Variants in AHCYL2 observed in about 807,000 individuals in gnomAD.
AHCYL2 encodes adenosylhomocysteinase like 2, also known as S-adenosylhomocysteine hydrolase-like protein 2.
In AHCYL2, 28 loss-of-function variants were observed where a neutral mutation model predicts 81.4. The ratio of observed to expected loss-of-function variants is 0.34; its 90% CI spans 0.25 to 0.47. The LOEUF (loss-of-function observed/expected upper bound fraction) is 0.47, where lower values mean the gene tolerates loss of function less well. AHCYL2 is among the 20% of genes least tolerant of loss of function. The pLI is 1.00. For synonymous variants in AHCYL2, 272 were observed against 290.2 expected (o/e 0.94, Z 0.64); for missense variants, 551 against 785.1 (o/e 0.70, Z 3.56).
At chr7:129,273,835 A>G (rs1212223871) in intron 1 of AHCYL2, among the ~76,000 whole-genome samples, 1 of 152,230 alleles carries the variant, frequency 6.6e-6, no homozygotes, top group Non-Finnish European at 1.5e-5. Context: ...GTGAATCCCA[A>G]TAAGATTCAT....
intron 8 of AHCYL2, 34 bp from the exon 9 acceptor site, chr7:129,405,802 G>A: frequency 6.3e-7 from 1 of 1,585,136 alleles, no homozygotes; most frequent in Non-Finnish European, 8.6e-7. Context: ...AACAAGAGAA[G>A]ATTTTTCTGA....
At chr7:129,227,349 C>T (rs1563157480) in intron 1 of AHCYL2, among the ~76,000 whole-genome samples, 1 of 150,906 alleles carries the variant, frequency 6.6e-6, no homozygotes, top group African/African-American at 2.4e-5. Flanking sequence ...ATTAAAAAAT[C>T]ATGGCTCACG....
At chr7:129,263,523 T>G (rs150117289) in intron 1 of AHCYL2, among the ~76,000 whole-genome samples, 1 of 152,228 alleles carries the variant, frequency 6.6e-6, no homozygotes, top group Non-Finnish European at 1.5e-5. Context: ...TGGGAGCATC[T>G]GGTGACTGTG....
intron 4 of AHCYL2, among the ~76,000 whole-genome samples, chr7:129,395,177 A>G (rs1795666342): frequency 6.6e-6 from 1 of 152,232 alleles, no homozygotes; most frequent in African/African-American, 2.4e-5. Context: ...ACCAAAGGAC[A>G]TTCCTCAGTG....
intron 1 of AHCYL2, among the ~76,000 whole-genome samples, chr7:129,230,772 C>A (rs1417477536): frequency 6.6e-6 from 1 of 151,426 alleles, no homozygotes; most frequent in Non-Finnish European, 1.5e-5. Flanking sequence ...GAGGTTTCAC[C>A]ATATTGTCTA....
chr7:129,393,265 A>G (rs1004157629), intron 4 of AHCYL2, among the ~76,000 whole-genome samples: 1 of 152,316 alleles, frequency 6.6e-6, no homozygotes, highest in Middle Eastern at 3.4e-3. Flanking sequence ...AAAAAATACA[A>G]AAGTTAGCCA....
chr7:129,241,443 T>TG (rs1310448788), intron 1 of AHCYL2, among the ~76,000 whole-genome samples: 1 of 151,656 alleles, frequency 6.6e-6, no homozygotes, highest in Non-Finnish European at 1.5e-5. Context: ...ATATAAAAAT[T>TG]AGCCAGGTGT....
At chr7:129,381,686 C>T (rs1375626757) in intron 2 of AHCYL2, among the ~76,000 whole-genome samples, 4 of 152,092 alleles carry the variant, frequency 2.6e-5, no homozygotes, top group African/African-American at 4.8e-5. Context: ...TATATAATCC[C>T]TGGAATTTAA....
chr7:129,406,527 G>T lies in AHCYL2; in HGVS notation c.1295+61G>T, dbSNP rs775313678. The T allele has an allele frequency of 6.7e-7, 1 of 1,487,854 alleles. No individual in the cohort carries two copies. The highest frequency in any genetic ancestry group is 1.7e-5 in the Admixed American group (1 of 59,804). The allele number at this position is 1,487,854 out of a possible 1,614,324, so 92.2% of individuals were successfully genotyped here. On this transcript the variant is annotated intron_variant, in intron 10 of 16. Coordinates refer to ENST00000325006, the MANE Select transcript of AHCYL2 (RefSeq NM_015328.4). The surrounding 1 kb of genome is among the most constrained non-coding windows in gnomAD (Gnocchi z 4.3). The stretch of plus-strand genomic sequence containing the variant: ...GGAGCTGTCTCCAAAGAATGGCCTG[G>T]TTGATGCCACACTTTATTTTAGAGG...
At chr7:129,239,962 G>T (rs1179062216) in intron 1 of AHCYL2, among the ~76,000 whole-genome samples, 1 of 151,900 alleles carries the variant, frequency 6.6e-6, no homozygotes, top group Non-Finnish European at 1.5e-5. Flanking sequence ...GGTGGCTCAC[G>T]CCTGTAATCC....
intron 1 of AHCYL2, among the ~76,000 whole-genome samples, chr7:129,292,656 A>G (rs899807365): frequency 2.6e-5 from 4 of 152,100 alleles, no homozygotes; most frequent in Admixed American, 2.0e-4. Context: ...AATCCCAGCT[A>G]GTTGGGAGGC....
intron 1 of AHCYL2, among the ~76,000 whole-genome samples, chr7:129,360,407 C>T (rs571499679): frequency 3.9e-5 from 6 of 152,350 alleles, no homozygotes; most frequent in South Asian, 4.1e-4. Flanking sequence ...TGAGCCACCA[C>T]GCCCGGCCAC....
At chr7:129,249,519 G>A (rs1379836592) in intron 1 of AHCYL2, among the ~76,000 whole-genome samples, 4 of 151,762 alleles carry the variant, frequency 2.6e-5, no homozygotes, top group African/African-American at 4.8e-5. Flanking sequence ...TCCGCTTCCC[G>A]GGTTCACGCC....
chr7:129,316,905 C>T (rs901621511), intron 1 of AHCYL2, among the ~76,000 whole-genome samples: 5 of 152,138 alleles, frequency 3.3e-5, no homozygotes, highest in African/African-American at 9.7e-5. Context: ...ATCCTTGAGT[C>T]GGGAGTTTCC....
chr7:129,365,569 T>TA (rs1219322422), intron 1 of AHCYL2, among the ~76,000 whole-genome samples: 3 of 149,496 alleles, frequency 2.0e-5, no homozygotes, highest in African/African-American at 7.5e-5. Flanking sequence ...ATGGTCACCA[T>TA]ACTGTGTAGT....
intron 1 of AHCYL2, among the ~76,000 whole-genome samples, chr7:129,282,968 G>C (rs1291117255): frequency 6.6e-6 from 1 of 152,060 alleles, no homozygotes; most frequent in African/African-American, 2.4e-5. Context: ...GTTAATTACG[G>C]GGTTTTCCAG....
intron 1 of AHCYL2, chr7:129,351,372 A>C (rs1194095770): frequency 6.6e-6 from 1 of 152,224 alleles, no homozygotes; most frequent in Non-Finnish European, 1.5e-5. Context: ...AAACTTTAGA[A>C]AACACAAAAA....
rs139813798 is a variant in AHCYL2 at position 129,338,129 on chromosome 7, A to C, written c.364-41509A>C. ...GTATATCTGTGGGACAGATTGCTAG[A>C]GGTGGAATTGCTGATTCCAAGGATG... is the stretch of plus-strand genomic sequence containing the variant. On this transcript the variant is annotated intron_variant, in intron 1 of 16. Transcript: ENST00000325006. Among the ~76,000 whole-genome samples, 8 of 152,112 alleles carry C rather than the reference A, an allele frequency of 5.3e-5. No homozygotes were observed. In the East Asian group the frequency reaches 1.5e-3, roughly 29 times the overall value.
intron 1 of AHCYL2, among the ~76,000 whole-genome samples, chr7:129,329,240 C>T (rs1002242578): frequency 6.6e-6 from 1 of 152,140 alleles, no homozygotes; most frequent in African/African-American, 2.4e-5. Context: ...AGTACAGTGG[C>T]GCGATCACAG....
Sources: allele counts gnomAD v4.1 joint callset (sites outside exome capture counted in the v4.1 genomes callset), GRCh38; gene constraint gnomAD v4.1.1; non-coding constraint Gnocchi (gnomAD v3.1); transcripts MANE v1.5; gene names NCBI Gene and HGNC (gene_info 2026-07-23, HGNC 2026-07-21).